Variants in MASP2 observed in about 807,000 individuals in gnomAD.
The protein encoded by MASP2 is mannan-binding lectin serine protease 2.
MASP2 carries 49 observed loss-of-function variants against 57.1 expected under a neutral mutation model. The ratio of observed to expected loss-of-function variants is 0.86; its 90% CI spans 0.68 to 1.09. The LOEUF (loss-of-function observed/expected upper bound fraction) is 1.09. Ranked by LOEUF, MASP2 falls within the 50% of genes least tolerant of loss-of-function variation. The pLI is 0.00. For synonymous variants in MASP2, 379 were observed against 340.8 expected (o/e 1.11, Z -1.24); for missense variants, 900 against 874.8 (o/e 1.03, Z -0.36).
chr1:11,026,664 C>CT lies in MASP2; in HGVS notation c.*220dup. 2.6e-6 allele frequency: 1 copy of CT among 378,962 alleles called. No homozygotes were observed. Among genetic ancestry groups the CT allele is most frequent in the Non-Finnish European group, 4.7e-6 (1 of 214,002 alleles). The allele number at this position is 378,962 out of a possible 1,614,324, so 23.5% of individuals were successfully genotyped here. On this transcript the variant is annotated 3_prime_UTR_variant, in exon 11 of 11. Coordinates refer to ENST00000400897, the MANE Select transcript of MASP2 (RefSeq NM_006610.4). The stretch of plus-strand genomic sequence containing the variant: ...CATTACACTGGGTGGGCAAAGATGA[C>CT]TGTCACTCTCGTGGTTTATGTCCCC...
In MASP2 at chr1:11,046,801, G is replaced by T. The variant is rs1638655388; in HGVS notation, c.235-68C>A. ...CCTGATCTCCCTCCTGGCCAAGCCTGGCCCCTGCTCCCAGGTGTCCCTGAA... is the reference window on the plus strand; with the variant it reads ...CCTGATCTCCCTCCTGGCCAAGCCTTGCCCCTGCTCCCAGGTGTCCCTGAA... On this transcript the variant is annotated intron_variant, in intron 2 of 10. Coordinates refer to ENST00000400897, the MANE Select transcript of MASP2 (RefSeq NM_006610.4). The T allele has an allele frequency of 3.2e-6, 5 of 1,560,942 alleles. No individual in the cohort carries two copies. In the Admixed American group the frequency reaches 7.5e-5, roughly 23 times the overall value.
chr1:11,037,849 G>A (rs760136699), intron 6 of MASP2, 38 bp from the exon 7 acceptor site: 1 of 1,249,104 alleles, frequency 8.0e-7, no homozygotes, highest in East Asian at 2.4e-5. Flanking sequence ...TTTTCATGTG[G>A]TCTACAGCAG....
chr1:11,036,863 G>A (rs919958219), intron 7 of MASP2, among the ~76,000 whole-genome samples: 6 of 151,874 alleles, frequency 4.0e-5, no homozygotes, highest in South Asian at 2.1e-4. Flanking sequence ...ACTCTTTCCC[G>A]GGGCTGTCTA....
rs150524896 is a variant in MASP2, at chr1:11,027,555, C to G, written c.1391G>C (p.Gly464Ala). The stretch of plus-strand genomic sequence containing the variant: ...AAGTGCACCTGCTGCTGTGGTTCCA[C>G]CTAATATCAGGACTTGCCAAGGAAA... Reference protein sequence around the residue: ...GDFPWQVLILGGTTAAGALLY... With the variant: ...GDFPWQVLILAGTTAAGALLY... The change falls in exon 11 of 11, where the codon GGT becomes GCT. Residue 464 changes from glycine (G) to alanine (A), a missense_variant. By Grantham distance (60) the Gly-to-Ala change is moderately conservative. Coordinates refer to ENST00000400897, the MANE Select transcript of MASP2 (RefSeq NM_006610.4). 5.3e-4 allele frequency: 861 copies of G among 1,614,022 alleles called. 6 individuals carry two copies. The highest frequency in any genetic ancestry group is 1.1e-4 in the Non-Finnish European group (132 of 1,180,032).
At chr1:11,038,778 G>A (rs1471222985) in intron 6 of MASP2, among the ~76,000 whole-genome samples, 7 of 152,228 alleles carry the variant, frequency 4.6e-5, no homozygotes, top group Non-Finnish European at 8.8e-5. Flanking sequence ...GCACTTGAGT[G>A]TCTGTCACGA....
chr1:11,033,965 A>ACACACACACACTCT (rs1445746544), intron 8 of MASP2, among the ~76,000 whole-genome samples: 3 of 15,434 alleles, frequency 1.9e-4, no homozygotes, highest in African/African-American at 5.2e-4. Context: ...ACACACACAC[A>ACACACACACACTCT]CTCTCTCTCT....
At chr1:11,030,954 C>T (rs764154704) in intron 8 of MASP2, 72 bp from the exon 9 acceptor site, 174 of 1,515,368 alleles carry the variant, frequency 1.1e-4, no homozygotes, top group Non-Finnish European at 1.5e-4. Flanking sequence ...TCTGGAGAAG[C>T]ACCTTTGGGA....
chr1:11,033,963 ACACTCTCT>A (rs1177159363), intron 8 of MASP2, among the ~76,000 whole-genome samples: 63 of 8,460 alleles, frequency 7.4e-3, no homozygotes, highest in African/African-American at 0.02. Flanking sequence ...ACACACACAC[ACACTCTCT>A]CTCTCTCTCT....
At chr1:11,031,493 C>G (rs991098364) in intron 8 of MASP2, among the ~76,000 whole-genome samples, 2 of 130,600 alleles carry the variant, frequency 1.5e-5, no homozygotes, top group Admixed American at 1.8e-4. Flanking sequence ...GGCACCACTT[C>G]ACTCCAGCCT....
intron 3 of MASP2, 21 bp downstream of exon 3, chr1:11,046,535 G>A (rs188245698): frequency 1.1e-4 from 181 of 1,613,506 alleles, no homozygotes; most frequent in Non-Finnish European, 1.5e-4. Context: ...CTGAGATGTT[G>A]CAGGACCCCT....
intron 7 of MASP2, among the ~76,000 whole-genome samples, chr1:11,036,869 G>A (rs533291457): frequency 6.6e-6 from 1 of 152,120 alleles, no homozygotes; most frequent in African/African-American, 2.4e-5. Context: ...TCCCGGGGCT[G>A]TCTACTTTTT....
intron 7 of MASP2, among the ~76,000 whole-genome samples, chr1:11,037,202 G>A (rs1414660086): frequency 6.6e-6 from 1 of 151,910 alleles, no homozygotes; most frequent in Admixed American, 6.6e-5. Flanking sequence ...ACAGGCGCCC[G>A]CCACCTAATA....
intron 8 of MASP2, among the ~76,000 whole-genome samples, chr1:11,033,381 A>T (rs1383202017): frequency 6.6e-6 from 1 of 151,998 alleles, no homozygotes; most frequent in Non-Finnish European, 1.5e-5. Context: ...GCTGTGGCTC[A>T]TGCCTGTACT....
chr1:11,045,321 C>T lies in MASP2; in HGVS notation c.544+87G>A, dbSNP rs565301468. ...CCCAGTGTCCAGGGCCCAGGCCCTC[C>T]GCACCCCTGGGCAGAGCAGCAATGG... On this transcript the variant is annotated intron_variant, in intron 4 of 10. Coordinates refer to ENST00000400897, the MANE Select transcript of MASP2 (RefSeq NM_006610.4). 104 of 1,591,272 alleles carry T rather than the reference C, an allele frequency of 6.5e-5. No individual in the cohort carries two copies. The African/African-American group carries it at 9.6e-4, about 15-fold the overall frequency.
chr1:11,034,658 C>T (rs1422134146), intron 8 of MASP2, among the ~76,000 whole-genome samples, 170 bp downstream of exon 8: 3 of 148,888 alleles, frequency 2.0e-5, no homozygotes, highest in African/African-American at 2.5e-5. Context: ...GAGATCACAC[C>T]GCTGCACTCC....
At position 11,045,499 on chromosome 1, in the gene MASP2, G is replaced by T; in HGVS notation, c.453C>A (p.Thr151=). Residue 151 remains threonine (T), a synonymous_variant, in exon 4 of 11, where the codon ACC becomes ACA. Coordinates refer to ENST00000400897, the MANE Select transcript of MASP2 (RefSeq NM_006610.4). ...GGTGGTTGTGGCAGTGGTGGTCGCAGGTGGGCGCCTCTCCCGGGGCCACCT... is the reference window on the plus strand; with the variant it reads ...GGTGGTTGTGGCAGTGGTGGTCGCATGTGGGCGCCTCTCCCGGGGCCACCT... ...ECQVAPGEAP[T]CDHHCHNHLG... The T allele has an allele frequency of 6.2e-7, 1 of 1,611,510 alleles. No homozygotes were observed.
chr1:11,044,591 C>T (rs1366526927), intron 4 of MASP2, among the ~76,000 whole-genome samples: 1 of 152,160 alleles, frequency 6.6e-6, no homozygotes, highest in Non-Finnish European at 1.5e-5. Flanking sequence ...GGCTCAGCCT[C>T]TGGGGACCTG....
At position 11,043,437 on chromosome 1, in the gene MASP2, T is replaced by A; in HGVS notation, c.643A>T (p.Ile215Phe). 1 of 1,611,036 alleles carries A rather than the reference T, an allele frequency of 6.2e-7. No homozygotes were observed. The highest frequency in any genetic ancestry group is 8.5e-7 in the Non-Finnish European group (1 of 1,179,002). Residue 215 changes from isoleucine (I) to phenylalanine (F), a missense_variant, in exon 5 of 11, where the codon ATC becomes TTC. Ile to Phe is a conservative substitution (Grantham distance 21, BLOSUM62 0). Transcript: ENST00000400897. ...YPKLSSCTYS[I>F]SLEEGFSVIL... Reference sequence around the variant, plus strand: ...ACACTGAACCCCTCCTCCAGGCTGATGCTGTAAGTGCAACTGGAGAGTTTG... The same window carrying A: ...ACACTGAACCCCTCCTCCAGGCTGAAGCTGTAAGTGCAACTGGAGAGTTTG...
chr1:11,039,887 G>GATGA (rs1490583401), intron 6 of MASP2, among the ~76,000 whole-genome samples: 2 of 106,328 alleles, frequency 1.9e-5, no homozygotes, highest in East Asian at 5.5e-4. Context: ...TGGATGGATG[G>GATGA]ATGGATGGAT....
Sources: allele counts gnomAD v4.1 joint callset (sites outside exome capture counted in the v4.1 genomes callset), GRCh38; gene constraint gnomAD v4.1.1; transcripts MANE v1.5; gene names NCBI Gene and HGNC (gene_info 2026-07-23, HGNC 2026-07-21).